Variants in SVEP1 observed in about 807,000 individuals in gnomAD.
SVEP1 encodes sushi, von Willebrand factor type A, EGF and pentraxin domain-containing protein 1.
Under a neutral mutation model 367.3 loss-of-function variants are expected in SVEP1, and 164 were observed. That is an observed-to-expected ratio of 0.45 (90% CI 0.39 to 0.51). The LOEUF (loss-of-function observed/expected upper bound fraction) is 0.51. Among genes scored for constraint, SVEP1 ranks in the 20% least tolerant of loss-of-function variants. SVEP1 has a pLI of 0.00. For synonymous variants in SVEP1, 1,666 were observed against 1,611.6 expected (o/e 1.03, Z -0.81); for missense variants, 4,117 against 4,425.3 (o/e 0.93, Z 1.98).
At chr9:110,455,786 C>A in intron 21 of SVEP1, 83 bp from the exon 22 acceptor site, 2 of 1,107,378 alleles carry the variant, frequency 1.8e-6, no homozygotes, top group South Asian at 2.0e-5. Flanking sequence ...AGGTAATTAT[C>A]TCAATAATCA....
At chr9:110,474,325 T>C (rs925122206) in intron 14 of SVEP1, among the ~76,000 whole-genome samples, 2 of 152,174 alleles carry the variant, frequency 1.3e-5, no homozygotes, top group Admixed American at 1.3e-4. Flanking sequence ...ATTACATGAT[T>C]ATTATGAAGT....
Position 110,445,932 on chromosome 9 carries a change from C to A in SVEP1, c.4368G>T (p.Trp1456Cys). 6.2e-7 allele frequency: 1 copy of A among 1,613,916 alleles called. No individual in the cohort carries two copies. Among genetic ancestry groups the A allele is most frequent in the Non-Finnish European group, 8.5e-7 (1 of 1,179,844 alleles). The change falls in exon 26 of 48, where the codon TGG becomes TGT. Residue 1456 changes from tryptophan to cysteine, a missense_variant. Physicochemically the swap from Trp to Cys is radical, Grantham distance 215. Transcript: ENST00000374469. ...PSLHALTCTF[W>C]MKSSDDMNYG... Reference sequence around the variant, plus strand: ...AGTTCATGTCGTCAGAGGATTTCATCCAGAAGGTACAGGTTAGAGCATGGA... The same window carrying A: ...AGTTCATGTCGTCAGAGGATTTCATACAGAAGGTACAGGTTAGAGCATGGA...
intron 3 of SVEP1, among the ~76,000 whole-genome samples, chr9:110,516,496 G>C (rs945806014): frequency 1.3e-5 from 2 of 150,918 alleles, no homozygotes; most frequent in East Asian, 1.9e-4. Context: ...TTGAAGCACT[G>C]TATTAGCGAT....
intron 8 of SVEP1, among the ~76,000 whole-genome samples, chr9:110,492,731 C>T (rs1219196855): frequency 2.0e-5 from 3 of 152,022 alleles, no homozygotes; most frequent in Admixed American, 1.3e-4. Flanking sequence ...AGTGGCAGGG[C>T]TTCAGACAAC....
chr9:110,566,160 A>T (rs988111209), intron 1 of SVEP1, among the ~76,000 whole-genome samples: 2 of 151,874 alleles, frequency 1.3e-5, no homozygotes, highest in Non-Finnish European at 2.9e-5. Context: ...TCTACAAAAA[A>T]ATACAAAAAG....
At chr9:110,380,878 G>A (rs183596712) in intron 43 of SVEP1, among the ~76,000 whole-genome samples, 2 of 152,150 alleles carry the variant, frequency 1.3e-5, no homozygotes, top group African/African-American at 4.8e-5. Context: ...CTAGTTATTG[G>A]TCTATTCAGG....
chr9:110,395,377 A>C (rs62571898), intron 40 of SVEP1, among the ~76,000 whole-genome samples: 1 of 152,202 alleles, frequency 6.6e-6, no homozygotes, highest in African/African-American at 2.4e-5. Context: ...AGGAACAACC[A>C]GTACCACCCA....
chr9:110,423,119 A>G (rs1443581717), intron 36 of SVEP1, among the ~76,000 whole-genome samples: 1 of 143,792 alleles, frequency 7.0e-6, no homozygotes, highest in Non-Finnish European at 1.5e-5. Flanking sequence ...TTAGAGTATA[A>G]TAAAAAATAA....
At chr9:110,561,809 T>G (rs1207064727) in intron 1 of SVEP1, among the ~76,000 whole-genome samples, 1 of 152,344 alleles carries the variant, frequency 6.6e-6, no homozygotes, top group East Asian at 1.9e-4. Flanking sequence ...TACTGTAATT[T>G]TAAGTCAATC....
At chr9:110,387,759 G>C (rs1827548857) in intron 41 of SVEP1, among the ~76,000 whole-genome samples, 1 of 152,164 alleles carries the variant, frequency 6.6e-6, no homozygotes, top group African/African-American at 2.4e-5. Flanking sequence ...CAATCTCATT[G>C]TAAGTTGCTA....
chr9:110,535,454 G>A (rs1407689763), intron 3 of SVEP1, among the ~76,000 whole-genome samples: 7 of 152,136 alleles, frequency 4.6e-5, no homozygotes, highest in Non-Finnish European at 1.0e-4. Context: ...GTAACATGAT[G>A]CGTCCACCTT....
chr9:110,558,689 TA>T (rs754775044), intron 1 of SVEP1, among the ~76,000 whole-genome samples: 1 of 151,816 alleles, frequency 6.6e-6, no homozygotes, highest in Non-Finnish European at 1.5e-5. Context: ...AAACTCAAAA[TA>T]ATGAAAGACA....
chr9:110,568,737 T>C (rs1196620754), intron 1 of SVEP1, among the ~76,000 whole-genome samples: 1 of 152,202 alleles, frequency 6.6e-6, no homozygotes, highest in Non-Finnish European at 1.5e-5. Flanking sequence ...TTATATCGAA[T>C]AAAATTAGAA....
chr9:110,577,090 A>C (rs1418851861), intron 1 of SVEP1, among the ~76,000 whole-genome samples: 1 of 152,068 alleles, frequency 6.6e-6, no homozygotes, highest in East Asian at 1.9e-4. Flanking sequence ...TTAATTCAAT[A>C]TTTTCTATAT....
At chr9:110,369,315 G>C (rs1229123285) in intron 47 of SVEP1, among the ~76,000 whole-genome samples, 1 of 152,034 alleles carries the variant, frequency 6.6e-6, no homozygotes, top group Non-Finnish European at 1.5e-5. Context: ...TCAGAAATAA[G>C]AAACCGATGA....
chr9:110,400,999 G>T lies in SVEP1; in HGVS notation c.9677C>A (p.Thr3226Asn). 1 of 1,613,608 alleles carries T rather than the reference G, an allele frequency of 6.2e-7. No individual in the cohort carries two copies. Among genetic ancestry groups the T allele is most frequent in the South Asian group, 1.1e-5 (1 of 91,048 alleles). The change falls in exon 40 of 48, where the codon ACC becomes AAC. Residue 3226 changes from threonine (T) to asparagine (N), a missense_variant. By Grantham distance (65) the Thr-to-Asn change is moderately conservative. Around this residue, in one of 4 missense-constraint regions of SVEP1, gnomAD observed 1,765 missense variants for 1,781.1 expected, o/e 0.99. Transcript: ENST00000374469. ...TTCATCGGAGAATGGTGGCTCCCAGGTTCCATCAAGCTAAGTGACAAATAA... is the reference window on the plus strand; with the variant it reads ...TTCATCGGAGAATGGTGGCTCCCAGTTTCCATCAAGCTAAGTGACAAATAA... Reference protein sequence around the residue: ...VNISVCQLDGTWEPPFSDESC... With the variant: ...VNISVCQLDGNWEPPFSDESC...
At chr9:110,558,230 G>A (rs538632347) in intron 1 of SVEP1, among the ~76,000 whole-genome samples, 74 of 151,142 alleles carry the variant, frequency 4.9e-4, no homozygotes, top group African/African-American at 1.7e-3. Context: ...TAATTGGCCC[G>A]GTGCTGTGGC....
At chr9:110,512,341 C>A (rs925471051) in intron 5 of SVEP1, among the ~76,000 whole-genome samples, 3 of 151,784 alleles carry the variant, frequency 2.0e-5, no homozygotes, top group African/African-American at 7.3e-5. Context: ...CTGGAGTTGG[C>A]AAGTTGAGGC....
intron 16 of SVEP1, among the ~76,000 whole-genome samples, chr9:110,470,748 C>A (rs1367293636): frequency 4.1e-5 from 6 of 145,232 alleles, no homozygotes; most frequent in Non-Finnish European, 6.1e-5. Flanking sequence ...CACTTACTGT[C>A]TTCATATATA....
Sources: gnomAD v4.1 joint callset for allele counts (sites outside exome capture counted in the v4.1 genomes callset) on GRCh38, gnomAD v4.1.1 for gene constraint, gnomAD v4.1.1 regional missense constraint, MANE v1.5 for transcripts, NCBI Gene and HGNC (gene_info 2026-07-23, HGNC 2026-07-21) for gene names.